The following GBF1 variants were observed in gnomAD, a reference collection of about 807,000 sequenced individuals.
GBF1 encodes the protein Golgi-specific brefeldin A-resistance guanine nucleotide exchange factor 1.
GBF1 carries 114 observed loss-of-function variants against 210.5 expected under a neutral mutation model. The observed-to-expected ratio is 0.54, with a 90% CI of 0.47 to 0.63. The LOEUF is 0.63. GBF1 is among the 30% of genes least tolerant of loss of function. The probability of loss-of-function intolerance (pLI) is 0.00; values close to 1 mark genes in which losing one functional copy is unlikely to be tolerated. For missense variants in GBF1, 1,851 were observed against 2,357.7 expected, an observed-to-expected ratio of 0.79 and a Z score of 4.45; for synonymous variants, 850 against 889.2, an observed-to-expected ratio of 0.96 and a Z score of 0.78.
chr10:102,367,647 G>A, intron 21 of GBF1, 87 bp downstream of exon 21: 1 of 829,758 alleles, frequency 1.2e-6, no homozygotes, highest in South Asian at 1.4e-5. Context: ...ATGTCAGACT[G>A]CAGTGACTCA....
At chr10:102,268,035 G>C (rs2074037709) in intron 3 of GBF1, among the ~76,000 whole-genome samples, 1 of 152,114 alleles carries the variant, frequency 6.6e-6, no homozygotes, top group South Asian at 2.1e-4. Context: ...ATATTAAAAG[G>C]GTAGCTCCAA....
At chr10:102,330,754 G>A (rs1314412731) in intron 3 of GBF1, among the ~76,000 whole-genome samples, 15 of 152,086 alleles carry the variant, frequency 9.9e-5, no homozygotes. Context: ...TAAGGTTGTT[G>A]TTCTGGCAAT....
chr10:102,262,259 C>G (rs1364891246), intron 3 of GBF1, among the ~76,000 whole-genome samples: 1 of 152,122 alleles, frequency 6.6e-6, no homozygotes, highest in Non-Finnish European at 1.5e-5. Context: ...AGGGCAAATG[C>G]TGCTACTAGG....
intron 14 of GBF1, 68 bp from the exon 15 acceptor site, chr10:102,362,407 T>C: frequency 8.2e-7 from 1 of 1,212,718 alleles, no homozygotes. Context: ...TTTTGGAAAT[T>C]TTAGAAAATG....
intron 33 of GBF1, among the ~76,000 whole-genome samples, chr10:102,378,444 G>A (rs1372414333): frequency 6.6e-6 from 1 of 151,534 alleles, no homozygotes; most frequent in African/African-American, 2.4e-5. Flanking sequence ...GAAAAATAGC[G>A]AGACCCTGCC....
intron 3 of GBF1, among the ~76,000 whole-genome samples, chr10:102,319,269 G>A (rs1482793707): frequency 3.9e-5 from 6 of 152,090 alleles, no homozygotes; most frequent in Non-Finnish European, 8.8e-5. Flanking sequence ...GCAGTGAGCC[G>A]AGATCGCGCC....
chr10:102,370,089 C>A, intron 26 of GBF1, 85 bp from the exon 27 acceptor site: 1 of 1,499,340 alleles, frequency 6.7e-7, no homozygotes, highest in Non-Finnish European at 9.3e-7. Flanking sequence ...CCAGGGCTGA[C>A]TCTGCCCTCT....
At chr10:102,284,282 T>A (rs1035115112) in intron 3 of GBF1, among the ~76,000 whole-genome samples, 4 of 152,182 alleles carry the variant, frequency 2.6e-5, no homozygotes, top group Admixed American at 6.5e-5. Flanking sequence ...GTGAAATGCA[T>A]ATAACATAAA....
intron 3 of GBF1, among the ~76,000 whole-genome samples, chr10:102,310,338 G>C (rs1037332259): frequency 6.6e-6 from 1 of 152,162 alleles, no homozygotes; most frequent in African/African-American, 2.4e-5. Context: ...ACTTATCCTT[G>C]TTTTTCCTGA....
chr10:102,328,639 C>A (rs1463229721), intron 3 of GBF1, among the ~76,000 whole-genome samples: 1 of 152,176 alleles, frequency 6.6e-6, no homozygotes, highest in Non-Finnish European at 1.5e-5. Context: ...GTCCTATACA[C>A]TGAAGGGATA....
At chr10:102,246,787 G>A (rs2070889384) in intron 1 of GBF1, among the ~76,000 whole-genome samples, 1 of 152,222 alleles carries the variant, frequency 6.6e-6, no homozygotes, top group Admixed American at 6.5e-5. Flanking sequence ...TAGAAATAAG[G>A]AATAGTGTAG....
At chr10:102,292,983 T>C (rs577460420) in intron 3 of GBF1, among the ~76,000 whole-genome samples, 1 of 152,364 alleles carries the variant, frequency 6.6e-6, no homozygotes, top group African/African-American at 2.4e-5. Flanking sequence ...AATTACTGTT[T>C]CCAAAATCTT....
intron 3 of GBF1, among the ~76,000 whole-genome samples, chr10:102,270,575 A>G (rs1160893692): frequency 6.6e-6 from 1 of 152,200 alleles, no homozygotes; most frequent in Non-Finnish European, 1.5e-5. Flanking sequence ...CTTTATCCGT[A>G]TATGTGTATT....
chr10:102,344,933 C>T (rs1197004427), intron 4 of GBF1, among the ~76,000 whole-genome samples: 1 of 152,060 alleles, frequency 6.6e-6, no homozygotes, highest in Non-Finnish European at 1.5e-5. Context: ...TGTGAACAGC[C>T]TAGTTTGAAT....
At chr10:102,324,493 G>GA (rs1338990521) in intron 3 of GBF1, among the ~76,000 whole-genome samples, 2 of 152,164 alleles carry the variant, frequency 1.3e-5, no homozygotes, top group African/African-American at 4.8e-5. Flanking sequence ...AATGATTGTG[G>GA]AAAAAGACAT....
chr10:102,294,452 G>T (rs2076748175), intron 3 of GBF1, among the ~76,000 whole-genome samples: 1 of 151,198 alleles, frequency 6.6e-6, no homozygotes, highest in African/African-American at 2.4e-5. Flanking sequence ...CGCAATCTTG[G>T]CTCACTGCAA....
chr10:102,362,607 A>G lies in GBF1; in HGVS notation c.1819A>G (p.Lys607Glu). ...CAACAGCCTCACCCAGCAAGAGAAG[A>G]AGGAGACAGCCAGACCAAGCTGTGA... ...VLNSLTQQEK[K>E]ETARPSCEIV... Residue 607 changes from lysine to glutamate, a missense_variant, in exon 15 of 40, where the codon AAG becomes GAG. Physicochemically the swap from Lys to Glu is moderately conservative, Grantham distance 56. Around this residue, in one of 3 missense-constraint regions of GBF1, gnomAD observed 804 missense variants for 958.6 expected, o/e 0.84. Coordinates refer to ENST00000369983, the MANE Select transcript of GBF1 (RefSeq NM_001377137.1). 6 of 1,614,202 alleles carry G rather than the reference A, an allele frequency of 3.7e-6. No homozygotes were observed. In the Middle Eastern group the frequency reaches 9.9e-4, roughly 266 times the overall value.
chr10:102,375,333 C>T lies in GBF1; in HGVS notation c.3661-26C>T, dbSNP rs200078026. ...GTGCCCACACAGCTCCCCGCTTCCCCGCTCCCTGCCCTAACCCCACTCCAG... is the reference window on the plus strand; with the variant it reads ...GTGCCCACACAGCTCCCCGCTTCCCTGCTCCCTGCCCTAACCCCACTCCAG... On this transcript the variant is annotated intron_variant, in intron 29 of 39. Transcript: ENST00000369983. 8.9e-5 allele frequency: 124 copies of T among 1,394,150 alleles called. 1 individual carries two copies. In the African/African-American group the frequency reaches 1.2e-3, roughly 14 times the overall value. 86.4% of individuals were successfully genotyped at this position (1,394,150 alleles called of 1,614,324 possible). A position where few individuals can be genotyped will look rare whatever the true frequency, so the allele number is the denominator to read the frequency against.
chr10:102,296,211 C>G (rs2076892358), intron 3 of GBF1, among the ~76,000 whole-genome samples: 1 of 152,144 alleles, frequency 6.6e-6, no homozygotes, highest in Non-Finnish European at 1.5e-5. Context: ...ACTCAGGTCT[C>G]CTGATTCCCC....
Sources: allele counts gnomAD v4.1 joint callset (sites outside exome capture counted in the v4.1 genomes callset), GRCh38; gene constraint gnomAD v4.1.1; regional missense constraint gnomAD v4.1.1; transcripts MANE v1.5; gene names NCBI Gene and HGNC (gene_info 2026-07-23, HGNC 2026-07-21).